Variants in LONP1 observed in about 807,000 individuals in gnomAD.
The protein encoded by LONP1 is lon peptidase 1, mitochondrial.
In LONP1, 31 loss-of-function variants were observed where a neutral mutation model predicts 98.5. That is an observed-to-expected ratio of 0.31 (90% CI 0.24 to 0.42). The LOEUF is 0.42. Ranked by LOEUF, LONP1 falls within the 20% of genes least tolerant of loss-of-function variation. The pLI is 1.00. For missense variants in LONP1, 1,336 were observed against 1,350.6 expected (o/e 0.99, Z 0.17); for synonymous variants, 781 against 594.7 (o/e 1.31, Z -4.56).
chr19:5,700,814 A>C lies in LONP1; in HGVS notation c.1481T>G (p.Met494Arg). 6.2e-7 allele frequency: 1 copy of C among 1,614,192 alleles called. No individual in the cohort carries two copies. Among genetic ancestry groups the C allele is most frequent in the Non-Finnish European group, 8.5e-7 (1 of 1,180,024 alleles). Residue 494 changes from methionine (M) to arginine (R), a missense_variant, in exon 9 of 18, where the codon ATG becomes AGG. Transcript: ENST00000360614. ...QAVLEEDHYGMEDVKKRILEF... is the reference protein window; with the variant it reads ...QAVLEEDHYGREDVKKRILEF... ...CAGGATGCGTTTCTTGACGTCCTCCATGCCGTAGTGGTCTTCCTCCAGCAC... is the reference window on the plus strand; with the variant it reads ...CAGGATGCGTTTCTTGACGTCCTCCCTGCCGTAGTGGTCTTCCTCCAGCAC...
At chr19:5,713,963 T>C (rs1952463937) in intron 2 of LONP1, among the ~76,000 whole-genome samples, 1 of 152,208 alleles carries the variant, frequency 6.6e-6, no homozygotes, top group South Asian at 2.1e-4. Context: ...CTGAAGTTAA[T>C]TTCCCCCGTA....
At chr19:5,714,421 C>A in intron 1 of LONP1, 150 bp from the exon 2 acceptor site, 1 of 604,682 alleles carries the variant, frequency 1.7e-6, no homozygotes. Context: ...TCTCCTGCCT[C>A]AGCCTCCTGA....
chr19:5,705,035 G>A (rs932220465), intron 8 of LONP1, among the ~76,000 whole-genome samples: 1 of 152,174 alleles, frequency 6.6e-6, no homozygotes, highest in Non-Finnish European at 1.5e-5. Flanking sequence ...GGTGGCACAT[G>A]CCTGTAATCC....
At chr19:5,716,320 T>G (rs1348984027) in intron 1 of LONP1, among the ~76,000 whole-genome samples, 1 of 126,968 alleles carries the variant, frequency 7.9e-6, no homozygotes, top group Non-Finnish European at 1.6e-5. Flanking sequence ...CTCAAACTTT[T>G]GCAGGCACCA....
At position 5,692,043 on chromosome 19, in the gene LONP1, C is replaced by A. The variant is rs771871770; in HGVS notation, c.2869G>T (p.Val957Leu). Residue 957 changes from valine (V) to leucine (L), a missense_variant, in exon 18 of 18, where the codon GTG becomes TTG. Physicochemically the swap from Val to Leu is conservative, Grantham distance 32 (BLOSUM62 1). This residue lies in a region of LONP1 where 555 missense variants were observed against 542.6 expected (regional missense o/e 1.02). Coordinates refer to ENST00000360614, the MANE Select transcript of LONP1 (RefSeq NM_004793.4). ...FPDEQAEALA[V>L]ER Reference sequence around the variant, plus strand: ...TCCCGGGGTGGCCGTCACCGTTCCACGGCCAGCGCCTCTGCCTGCTCGTCC... The same window carrying A: ...TCCCGGGGTGGCCGTCACCGTTCCAAGGCCAGCGCCTCTGCCTGCTCGTCC... 1 of 1,513,680 alleles carries A rather than the reference C, an allele frequency of 6.6e-7. No individual in the cohort carries two copies. The highest frequency in any genetic ancestry group is 9.0e-7 in the Non-Finnish European group (1 of 1,111,628). 93.8% of individuals were successfully genotyped at this position (1,513,680 alleles called of 1,614,324 possible). A position where few individuals can be genotyped will look rare whatever the true frequency, so the allele number is the denominator to read the frequency against.
At chr19:5,711,194 T>C (rs2055231749) in intron 4 of LONP1, among the ~76,000 whole-genome samples, 1 of 152,078 alleles carries the variant, frequency 6.6e-6, no homozygotes, top group Non-Finnish European at 1.5e-5. Context: ...TGCAGCAGCC[T>C]GGGGAAGAGG....
In LONP1 at chr19:5,700,880, T is replaced by C; in HGVS notation, c.1415A>G (p.Lys472Arg). 6.2e-7 allele frequency: 1 copy of C among 1,614,212 alleles called. No homozygotes were observed. The highest frequency in any genetic ancestry group is 1.1e-5 in the South Asian group (1 of 91,090). Residue 472 changes from lysine to arginine, a missense_variant, in exon 9 of 18, where the codon AAG becomes AGG. By Grantham distance (26) the Lys-to-Arg change is conservative. Coordinates refer to ENST00000360614, the MANE Select transcript of LONP1 (RefSeq NM_004793.4). ...CAGGTCCAGGTTCTCGTTGCTGTAC[T>C]TGCCCCAAGGGATGGACGTGAGCCA... ...LDWLTSIPWG[K>R]YSNENLDLAR...
At position 5,693,607 on chromosome 19, in the gene LONP1, T is replaced by C. The variant is rs759128465; in HGVS notation, c.2483A>G (p.His828Arg). ...CACCAGGTAGTCATTGGCGGGGGCG[T>C]GCTGCATGAGGAAGGCTCTGGCGAA... ...YTFARAFLMQ[H>R]APANDYLVTS... Residue 828 changes from histidine to arginine, a missense_variant, in exon 16 of 18, where the codon CAC (histidine) becomes CGC (arginine). Coordinates refer to ENST00000360614, the MANE Select transcript of LONP1 (RefSeq NM_004793.4). The C allele has an allele frequency of 6.2e-7, 1 of 1,613,966 alleles. No individual in the cohort carries two copies. The highest frequency in any genetic ancestry group is 1.6e-4 in the Middle Eastern group (1 of 6,062).
rs1157920306 is a variant in LONP1 at position 5,696,770 on chromosome 19, A to G, written c.1686-13T>C. On this transcript the variant is annotated splice_polypyrimidine_tract_variant and intron_variant, in intron 10 of 17. Coordinates refer to ENST00000360614, the MANE Select transcript of LONP1 (RefSeq NM_004793.4). ...CACGTAGGTCCGCCTGTGGGTGCACAGCGGGGTCAGAGGTCACTTGGTAGC... is the reference window on the plus strand; with the variant it reads ...CACGTAGGTCCGCCTGTGGGTGCACGGCGGGGTCAGAGGTCACTTGGTAGC... 2.5e-6 allele frequency: 4 copies of G among 1,595,754 alleles called. No individual in the cohort carries two copies. Among genetic ancestry groups the G allele is most frequent in the Non-Finnish European group, 3.4e-6 (4 of 1,164,890 alleles).
At position 5,708,106 on chromosome 19, in the gene LONP1, A is replaced by G. The variant is rs554705612; in HGVS notation, c.932+236T>C. 5.7e-4 allele frequency: 350 copies of G among 609,934 alleles called. 1 individual carries two copies. The African/African-American group carries it at 5.8e-3, about 10-fold the overall frequency. The allele number at this position is 609,934 out of a possible 1,614,324, so 37.8% of individuals were successfully genotyped here. The stretch of plus-strand genomic sequence containing the variant: ...GCTCCCCACTCCCCCAGCCAATGCC[A>G]CCAACAGCTTCCGGCCTCAGCAGAA... On this transcript the variant is annotated intron_variant, in intron 5 of 17. Transcript: ENST00000360614.
chr19:5,699,049 C>G lies in LONP1; in HGVS notation c.1663G>C (p.Val555Leu), dbSNP rs776606648. 1 of 1,608,172 alleles carries G rather than the reference C, an allele frequency of 6.2e-7. No homozygotes were observed. Residue 555 changes from valine to leucine, a missense_variant, in exon 10 of 18, where the codon GTG becomes CTG. By Grantham distance (32) the Val-to-Leu change is conservative. This residue lies in a region of LONP1 where 219 missense variants were observed against 241.0 expected (regional missense o/e 0.91). Transcript: ENST00000360614. ...FRFSVGGMTD[V>L]AEIKGHRRTY... ...TACCTGTGGCCCTTGATCTCAGCCA[C>G]GTCAGTCATGCCCCCGACGCTGAAG...
intron 5 of LONP1, 99 bp from the exon 6 acceptor site, chr19:5,707,925 G>A (rs932709436): frequency 5.0e-6 from 7 of 1,409,842 alleles, no homozygotes; most frequent in Non-Finnish European, 5.9e-6. Context: ...CCTGTCCCCT[G>A]TAGCTATGGG....
chr19:5,697,597 A>G (rs1407487118), intron 10 of LONP1, among the ~76,000 whole-genome samples: 2 of 42,966 alleles, frequency 4.7e-5, no homozygotes, highest in Non-Finnish European at 4.5e-5. Flanking sequence ...AGAGGGAGAG[A>G]GAGGAGGGGG....
rs1027859589 is a variant in LONP1 at position 5,720,081 on chromosome 19, C to T, written c.52G>A (p.Val18Met). 1 of 1,500,488 alleles carries T rather than the reference C, an allele frequency of 6.7e-7. No individual in the cohort carries two copies. The highest frequency in any genetic ancestry group is 2.4e-5 in the Admixed American group (1 of 41,104). The allele number at this position is 1,500,488 out of a possible 1,614,324, so 92.9% of individuals were successfully genotyped here. The stretch of plus-strand genomic sequence containing the variant: ...GCGGCCAGCATCGGCCGCCGCAGCA[C>T]CCAGCACCGCGCCGCTCCCCACAGT... ...VRLWGAARCW[V>M]LRRPMLAAAG... The change falls in exon 1 of 18, where the codon GTG (valine) becomes ATG (methionine). Residue 18 changes from valine (V) to methionine (M), a missense_variant. Val to Met is a conservative substitution (Grantham distance 21). Transcript: ENST00000360614.
intron 7 of LONP1, among the ~76,000 whole-genome samples, chr19:5,706,675 G>T (rs542813828): frequency 1.3e-5 from 2 of 152,128 alleles, no homozygotes; most frequent in Non-Finnish European, 2.9e-5. Context: ...GTGATCTGCC[G>T]AAAATCATGA....
chr19:5,703,523 A>G (rs1031731669), intron 8 of LONP1, among the ~76,000 whole-genome samples: 8 of 152,098 alleles, frequency 5.3e-5, no homozygotes, highest in Non-Finnish European at 1.0e-4. Flanking sequence ...CTGCAAGAGC[A>G]CACGGCAGGA....
chr19:5,699,388 G>C (rs541581965), intron 9 of LONP1, among the ~76,000 whole-genome samples, 183 bp from the exon 10 acceptor site: 10 of 152,140 alleles, frequency 6.6e-5, no homozygotes, highest in Non-Finnish European at 5.9e-5. Context: ...CCTGTGACAA[G>C]GGCTCCATTT....
At position 5,696,128 on chromosome 19, in the gene LONP1, C is replaced by T. The variant is rs149596661; in HGVS notation, c.1939G>A (p.Glu647Lys). Reference protein sequence around the residue: ...CTANVTDTIPEPLRDRMEMIN... With the variant: ...CTANVTDTIPKPLRDRMEMIN... ...ATCTCCATACGGTCTCGCAGCGGCT[C>T]GGGGATGGTGTCCGTGACGTTGGCC... Residue 647 changes from glutamate to lysine, a missense_variant, in exon 13 of 18, where the codon GAG (glutamate) becomes AAG (lysine). Physicochemically the swap from Glu to Lys is moderately conservative, Grantham distance 56 (BLOSUM62 1). This residue lies in a region of LONP1 where 555 missense variants were observed against 542.6 expected (regional missense o/e 1.02). Transcript: ENST00000360614. The T allele has an allele frequency of 2.7e-5, 43 of 1,612,930 alleles. No individual in the cohort carries two copies. Among genetic ancestry groups the T allele is most frequent in the Admixed American group, 1.8e-4 (11 of 60,000 alleles).
intron 13 of LONP1, among the ~76,000 whole-genome samples, chr19:5,695,567 G>A (rs949194865): frequency 2.6e-5 from 4 of 152,178 alleles, no homozygotes; most frequent in African/African-American, 9.7e-5. Context: ...AGGGACCAGT[G>A]CCCACCACTG....
Sources: gnomAD v4.1 joint callset for allele counts (sites outside exome capture counted in the v4.1 genomes callset) on GRCh38, gnomAD v4.1.1 for gene constraint, gnomAD v4.1.1 regional missense constraint, MANE v1.5 for transcripts, NCBI Gene and HGNC (gene_info 2026-07-23, HGNC 2026-07-21) for gene names.